WDR20: variants seen among roughly 807,000 people sequenced by gnomAD.
The protein encoded by WDR20 is WD repeat-containing protein 20.
Under a neutral mutation model 38.7 loss-of-function variants are expected in WDR20, and 3 were observed. The observed-to-expected ratio is 0.08, with a 90% CI of 0.04 to 0.20. WDR20 has a LOEUF of 0.20. Ranked by LOEUF, WDR20 falls within the 10% of genes least tolerant of loss-of-function variation. The pLI, the probability that WDR20 is intolerant of heterozygous loss-of-function variation, is 1.00. For missense variants in WDR20, 559 were observed against 727.7 expected (o/e 0.77, Z 2.67); for synonymous variants, 298 against 285.6 (o/e 1.04, Z -0.44).
At chr14:102,202,849 T>C (rs1261483843) in intron 2 of WDR20, among the ~76,000 whole-genome samples, 1 of 152,182 alleles carries the variant, frequency 6.6e-6, no homozygotes, top group Non-Finnish European at 1.5e-5. Context: ...CAAGTGATCC[T>C]CCTTGGAGAT....
chr14:102,144,463 C>G (rs2052814459), intron 1 of WDR20, among the ~76,000 whole-genome samples: 1 of 142,104 alleles, frequency 7.0e-6, no homozygotes, highest in African/African-American at 2.7e-5. Context: ...GCCTGGGCGA[C>G]AGAGCTAGAC....
chr14:102,204,441 TATC>T (rs1343517305), intron 2 of WDR20, among the ~76,000 whole-genome samples: 4 of 152,194 alleles, frequency 2.6e-5, no homozygotes, highest in African/African-American at 7.2e-5. Flanking sequence ...CCACAGCACT[TATC>T]ATCATCAGAT....
chr14:102,213,472 C>T (rs904430112), downstream of WDR20: 17 of 985,292 alleles, frequency 1.7e-5, no homozygotes, highest in African/African-American at 5.2e-5. Flanking sequence ...GGGTAAATGC[C>T]TTAAAAATGG....
chr14:102,205,133 C>T (rs1186959475), intron 2 of WDR20, among the ~76,000 whole-genome samples: 1 of 152,254 alleles, frequency 6.6e-6, no homozygotes, highest in Non-Finnish European at 1.5e-5. Flanking sequence ...GCGACACTCA[C>T]CTGAAGCACC....
At chr14:102,198,636 T>A (rs1173747095) in intron 2 of WDR20, among the ~76,000 whole-genome samples, 1 of 152,128 alleles carries the variant, frequency 6.6e-6, no homozygotes, top group Non-Finnish European at 1.5e-5. Context: ...GGGCATGAGA[T>A]TGGAGGGCCA....
chr14:102,187,264 C>G (rs2065047086), intron 1 of WDR20, among the ~76,000 whole-genome samples: 1 of 152,236 alleles, frequency 6.6e-6, no homozygotes, highest in Non-Finnish European at 1.5e-5. Context: ...GTCAGTGACT[C>G]AGCAGCCTCC....
At chr14:102,176,801 T>G (rs1453031747) in intron 1 of WDR20, among the ~76,000 whole-genome samples, 1 of 152,058 alleles carries the variant, frequency 6.6e-6, no homozygotes, top group Non-Finnish European at 1.5e-5. Flanking sequence ...TGGCGCCATC[T>G]CGGCTTATTG....
In WDR20 at chr14:102,210,252, T is replaced by A; in HGVS notation, c.*372T>A. 9.9e-7 allele frequency: 1 copy of A among 1,012,848 alleles called. No individual in the cohort carries two copies. The highest frequency in any genetic ancestry group is 1.7e-5 in the African/African-American group (1 of 57,802). 62.7% of individuals were successfully genotyped at this position (1,012,848 alleles called of 1,614,324 possible). ...TGCTTTAACTGGAATATTTTTTGCT[T>A]AACTACTCAATTAGAATATTGTACA... On this transcript the variant is annotated 3_prime_UTR_variant, in exon 3 of 3. Transcript: ENST00000342702.
intron 1 of WDR20, among the ~76,000 whole-genome samples, chr14:102,161,699 G>A (rs758964982): frequency 2.0e-5 from 3 of 152,192 alleles, no homozygotes; most frequent in Non-Finnish European, 4.4e-5. Flanking sequence ...TGCCAGCTCC[G>A]TTTTGCTGAG....
At chr14:102,196,971 G>T (rs201108234) in intron 2 of WDR20, among the ~76,000 whole-genome samples, 1 of 152,124 alleles carries the variant, frequency 6.6e-6, no homozygotes, top group East Asian at 1.9e-4. Flanking sequence ...ATCAGATTTT[G>T]GTCAGAATGT....
intron 1 of WDR20, among the ~76,000 whole-genome samples, chr14:102,151,553 G>A (rs1325010098): frequency 6.6e-6 from 1 of 151,352 alleles, no homozygotes; most frequent in Non-Finnish European, 1.5e-5. Flanking sequence ...GCACCACCAC[G>A]CCTGGCTAAT....
chr14:102,154,547 A>C (rs1049626678), intron 1 of WDR20, among the ~76,000 whole-genome samples: 3 of 152,192 alleles, frequency 2.0e-5, no homozygotes, highest in African/African-American at 7.2e-5. Flanking sequence ...AAACATTCAG[A>C]CCATAGCACT....
At position 102,209,477 on chromosome 14, in the gene WDR20, C is replaced by A. The variant is rs1192099064; in HGVS notation, c.1307C>A (p.Pro436Gln). The change falls in exon 3 of 3, where the codon CCA (proline) becomes CAA (glutamine). Residue 436 changes from proline to glutamine, a missense_variant. Pro to Gln is a moderately conservative substitution (Grantham distance 76). Transcript: ENST00000342702. This position sits in a 1 kb window ranked among gnomAD's most constrained non-coding sequence, Gnocchi z 6.0. Reference sequence around the variant, plus strand: ...CCTCTGCCACGGTCCAACAGCCTTCCACATTCAGCAGTCTCAAATGCTGGC... The same window carrying A: ...CCTCTGCCACGGTCCAACAGCCTTCAACATTCAGCAGTCTCAAATGCTGGC... The part of the protein sequence containing the change: ...PPPLPRSNSL[P>Q]HSAVSNAGSK... The A allele has an allele frequency of 6.2e-7, 1 of 1,614,110 alleles. No individual in the cohort carries two copies. Among genetic ancestry groups the A allele is most frequent in the Non-Finnish European group, 8.5e-7 (1 of 1,180,050 alleles).
intron 1 of WDR20, among the ~76,000 whole-genome samples, chr14:102,186,242 A>G (rs942616484): frequency 2.6e-5 from 4 of 152,230 alleles, no homozygotes; most frequent in East Asian, 3.8e-4. Context: ...GGGTCTTTCC[A>G]TAAGGTAAAC....
intron 2 of WDR20, among the ~76,000 whole-genome samples, chr14:102,197,025 A>G (rs2059530016): frequency 6.6e-6 from 1 of 152,208 alleles, no homozygotes; most frequent in South Asian, 2.1e-4. Context: ...AGAGAGTGCC[A>G]GGAATGGTGG....
chr14:102,197,662 C>T, intron 2 of WDR20: 1 of 594,226 alleles, frequency 1.7e-6, no homozygotes, highest in Non-Finnish European at 3.1e-6. Flanking sequence ...CTTTTCATGT[C>T]ACGTGAAGCA....
rs1244382878 is a variant in WDR20 at position 102,207,149 on chromosome 14, G to C, written c.433-1454G>C. On this transcript the variant is annotated intron_variant, in intron 2 of 2. Transcript: ENST00000342702. The surrounding 1 kb of genome is among the most constrained non-coding windows in gnomAD (Gnocchi z 5.0). ...GGACCAGCCATGCCGTTTTACGGCA[G>C]TAAGCAGTGACACCTGCTGCTGAGT... Among the ~76,000 whole-genome samples the C allele has an allele frequency of 2.0e-5, 3 of 152,238 alleles. No homozygotes were observed. The highest frequency in any genetic ancestry group is 7.2e-5 in the African/African-American group (3 of 41,462).
chr14:102,205,789 G>A (rs942097965), intron 2 of WDR20, among the ~76,000 whole-genome samples: 4 of 151,848 alleles, frequency 2.6e-5, no homozygotes, highest in South Asian at 4.2e-4. Flanking sequence ...CACAATACAG[G>A]TGGATCCAAG....
rs564793878 is a variant in WDR20, at chr14:102,146,478, T to G, written c.249+6306T>G. On this transcript the variant is annotated intron_variant, in intron 1 of 2. Coordinates refer to ENST00000342702, the MANE Select transcript of WDR20 (RefSeq NM_144574.4). Reference sequence around the variant, plus strand: ...ATGCCCGGCTAGAAGAGCTTTATGTTCATGATGCTGAGATGAAGTTGGGGC... The same window carrying G: ...ATGCCCGGCTAGAAGAGCTTTATGTGCATGATGCTGAGATGAAGTTGGGGC... Among the ~76,000 whole-genome samples the G allele has an allele frequency of 5.9e-5, 9 of 152,294 alleles. No homozygotes were observed. In the South Asian group the frequency reaches 1.9e-3, roughly 32 times the overall value.
Sources: gnomAD v4.1 joint callset for allele counts (sites outside exome capture counted in the v4.1 genomes callset) on GRCh38, gnomAD v4.1.1 for gene constraint, Gnocchi (gnomAD v3.1) non-coding constraint, MANE v1.5 for transcripts, NCBI Gene and HGNC (gene_info 2026-07-23, HGNC 2026-07-21) for gene names.